The following AOPEP variants were observed in gnomAD, a reference collection of about 807,000 sequenced individuals.
AOPEP encodes the protein aminopeptidase O (putative).
A neutral mutation model predicts 98.1 loss-of-function variants in AOPEP; 77 were observed. The ratio of observed to expected loss-of-function variants is 0.78; its 90% CI spans 0.65 to 0.95. AOPEP has a LOEUF of 0.95. AOPEP is among the 40% of genes least tolerant of loss of function. The probability of loss-of-function intolerance (pLI) is 0.00; values close to 1 mark genes in which losing one functional copy is unlikely to be tolerated. For synonymous variants in AOPEP, 346 were observed against 365.3 expected, an observed-to-expected ratio of 0.95 and a Z score of 0.60; for missense variants, 1,024 against 1,024.7, an observed-to-expected ratio of 1.00 and a Z score of 0.01.
At chr9:94,750,453 C>T (rs923225875) in intron 1 of AOPEP, among the ~76,000 whole-genome samples, 11 of 151,830 alleles carry the variant, frequency 7.2e-5, no homozygotes, top group African/African-American at 1.2e-4. Context: ...GGCGTGGTGG[C>T]GGGCACCTGT....
intron 11 of AOPEP, chr9:95,004,926 C>A: frequency 1.4e-5 from 2 of 143,380 alleles, no homozygotes; most frequent in South Asian, 4.5e-4. Context: ...CGCCCCCGCT[C>A]GGTGCCCGCC....
chr9:94,778,106 C>T (rs1034741615), intron 3 of AOPEP, among the ~76,000 whole-genome samples: 4 of 152,294 alleles, frequency 2.6e-5, no homozygotes, highest in Admixed American at 2.6e-4. Flanking sequence ...TAGTATTTTA[C>T]ACCTAGTTAG....
chr9:95,103,264 T>C, the AOPEP span, among the ~76,000 whole-genome samples: 1 of 151,998 alleles, frequency 6.6e-6, no homozygotes. Context: ...CACTCCTGGG[T>C]GGGCCCCTTC....
chr9:95,133,804 G>A, the AOPEP span, among the ~76,000 whole-genome samples: 9 of 152,202 alleles, frequency 5.9e-5, no homozygotes, highest in South Asian at 2.1e-4. Context: ...ATGTAAGTTA[G>A]TAATAGATTT....
intron 7 of AOPEP, among the ~76,000 whole-genome samples, chr9:94,947,263 G>C (rs553802893): frequency 2.4e-4 from 37 of 151,356 alleles, no homozygotes; most frequent in Non-Finnish European, 5.2e-4. Context: ...TTACAGGCGT[G>C]ATCCACCGCA....
chr9:94,918,162 C>A (rs1478265416), intron 5 of AOPEP, among the ~76,000 whole-genome samples: 1 of 152,192 alleles, frequency 6.6e-6, no homozygotes, highest in African/African-American at 2.4e-5. Context: ...ACCTAAGTAC[C>A]TTTGTAAGGG....
At chr9:95,111,846 C>G in the AOPEP span, among the ~76,000 whole-genome samples, 65 of 152,284 alleles carry the variant, frequency 4.3e-4, no homozygotes, top group Non-Finnish European at 8.7e-4. Context: ...CCTCTCAGGA[C>G]CCCCGTGAGG....
Position 94,760,451 on chromosome 9 carries a change from A to G in AOPEP, c.668A>G (p.Asp223Gly). 6.2e-7 allele frequency: 1 copy of G among 1,613,796 alleles called. No homozygotes were observed. The highest frequency in any genetic ancestry group is 8.5e-7 in the Non-Finnish European group (1 of 1,179,892). Residue 223 changes from aspartate to glycine, a missense_variant, in exon 2 of 17, where the codon GAC (aspartate) becomes GGC (glycine). This residue lies in a region of AOPEP where 440 missense variants were observed against 433.8 expected (regional missense o/e 1.01). Coordinates refer to ENST00000375315, the MANE Select transcript of AOPEP (RefSeq NM_001193329.3). ...TGTGGGGAACTCCTCTTTGACACTG[A>G]CACTTGGAGCTTGCAGATAAGGAAG... ...PGCGELLFDT[D>G]TWSLQIRKTG... is the part of the protein sequence containing the mutation.
Position 94,732,488 on chromosome 9 carries a change from T to A in AOPEP, c.-136+5737T>A, listed in dbSNP as rs138609256. ...TCATACAAATTTTTCAGGAATCTAG[T>A]CTATTTGATAGGGTATAAGAAGTGT... On this transcript the variant is annotated intron_variant, in intron 1 of 16. Transcript: ENST00000375315. 4.5e-3 allele frequency among the ~76,000 whole-genome samples: 682 copies of A among 152,332 alleles called. 2 individuals carry two copies. The highest frequency in any genetic ancestry group is 7.3e-3 in the Non-Finnish European group (498 of 68,024).
At chr9:94,906,185 A>G (rs545485751) in intron 5 of AOPEP, among the ~76,000 whole-genome samples, 1 of 151,688 alleles carries the variant, frequency 6.6e-6, no homozygotes, top group African/African-American at 2.4e-5. Flanking sequence ...CTGGCTGGGC[A>G]CAGTAGCTCA....
chr9:95,004,961 C>G (rs1404739857), intron 11 of AOPEP, 197 bp from the exon 12 acceptor site: 2 of 146,464 alleles, frequency 1.4e-5, no homozygotes, highest in African/African-American at 4.9e-5. Flanking sequence ...GCCGCCCAGG[C>G]CCCGCGCCCG....
chr9:94,909,676 A>G (rs2051721172), intron 5 of AOPEP, among the ~76,000 whole-genome samples: 1 of 152,232 alleles, frequency 6.6e-6, no homozygotes, highest in Admixed American at 6.5e-5. Flanking sequence ...GTAACTACAC[A>G]GGGTGGCATA....
intron 9 of AOPEP, among the ~76,000 whole-genome samples, chr9:94,966,831 A>G (rs1193315133): frequency 1.3e-5 from 2 of 152,238 alleles, no homozygotes; most frequent in African/African-American, 2.4e-5. Flanking sequence ...TCAAGATTCC[A>G]GAATGAAATG....
chr9:94,795,674 C>T (rs1409877921), intron 4 of AOPEP, among the ~76,000 whole-genome samples: 2 of 152,204 alleles, frequency 1.3e-5, no homozygotes, highest in Non-Finnish European at 2.9e-5. Flanking sequence ...CAGCCACTGA[C>T]TCTGTGCTCT....
At chr9:94,751,086 C>T (rs1314693866) in intron 1 of AOPEP, among the ~76,000 whole-genome samples, 1 of 152,114 alleles carries the variant, frequency 6.6e-6, no homozygotes, top group Non-Finnish European at 1.5e-5. Context: ...ATTGCAACCT[C>T]TGGCATAAAT....
At chr9:95,070,629 G>A (rs542261412) in intron 14 of AOPEP, among the ~76,000 whole-genome samples, 63 of 152,372 alleles carry the variant, frequency 4.1e-4, no homozygotes, top group African/African-American at 1.1e-3. Context: ...TGGGCATTGC[G>A]ACAGGCCCAA....
intron 1 of AOPEP, among the ~76,000 whole-genome samples, chr9:94,749,415 T>C (rs1835196884): frequency 2.6e-5 from 4 of 152,222 alleles, no homozygotes; most frequent in African/African-American, 9.6e-5. Flanking sequence ...TTTCCTTTTG[T>C]TGGAAAATGG....
chr9:94,992,123 G>A (rs1330094857), intron 11 of AOPEP, among the ~76,000 whole-genome samples: 1 of 152,222 alleles, frequency 6.6e-6, no homozygotes, highest in East Asian at 1.9e-4. Context: ...CAGAGCAGAA[G>A]ACTGTCAGAG....
intron 5 of AOPEP, among the ~76,000 whole-genome samples, chr9:94,894,999 A>C (rs2049301999): frequency 6.6e-6 from 1 of 152,132 alleles, no homozygotes; most frequent in Non-Finnish European, 1.5e-5. Context: ...ACTTCTAGAG[A>C]AAATAGGACG....
Sources: allele counts gnomAD v4.1 joint callset (sites outside exome capture counted in the v4.1 genomes callset), GRCh38; gene constraint gnomAD v4.1.1; regional missense constraint gnomAD v4.1.1; transcripts MANE v1.5; gene names NCBI Gene and HGNC (gene_info 2026-07-23, HGNC 2026-07-21).